Variants in NF1 observed in about 807,000 individuals in gnomAD.
NF1 encodes the protein neurofibromin.
NF1 carries 122 observed loss-of-function variants against 325.7 expected under a neutral mutation model. The observed-to-expected ratio is 0.37, with a 90% CI of 0.32 to 0.44. The LOEUF (loss-of-function observed/expected upper bound fraction) is 0.44, where lower values mean the gene tolerates loss of function less well. Among genes scored for constraint, NF1 ranks in the 20% least tolerant of loss-of-function variants. The pLI, the probability that NF1 is intolerant of heterozygous loss-of-function variation, is 1.00. For synonymous variants in NF1, 1,091 were observed against 1,186.0 expected (o/e 0.92, Z 1.65); for missense variants, 2,140 against 3,415.4 (o/e 0.63, Z 9.31).
At chr17:31,102,431 T>A (rs1414583562) in intron 1 of NF1, among the ~76,000 whole-genome samples, 1 of 152,114 alleles carries the variant, frequency 6.6e-6, no homozygotes, top group Non-Finnish European at 1.5e-5. Context: ...TATTACTGAT[T>A]ATTGTGTTTT....
At chr17:31,344,503 A>G (rs1036835366) in intron 48 of NF1, among the ~76,000 whole-genome samples, 112 of 152,248 alleles carry the variant, frequency 7.4e-4, no homozygotes, top group African/African-American at 2.5e-3. Flanking sequence ...TTCAAGCTAT[A>G]GCTTGAGTCA....
At chr17:31,346,003 A>G in intron 48 of NF1, 1 of 1,612,886 alleles carries the variant, frequency 6.2e-7, no homozygotes, top group Non-Finnish European at 8.5e-7. Flanking sequence ...CAGGAGGATG[A>G]TAAACCCGAA....
At chr17:31,198,701 G>C (rs1226852292) in intron 8 of NF1, among the ~76,000 whole-genome samples, 5 of 152,012 alleles carry the variant, frequency 3.3e-5, no homozygotes, top group African/African-American at 1.2e-4. Flanking sequence ...TGCAACCTCT[G>C]CCTCCTGGGT....
chr17:31,322,404 C>T lies in NF1; in HGVS notation c.4836-3416C>T, dbSNP rs572093958. Among the ~76,000 whole-genome samples the T allele has an allele frequency of 6.8e-5, 10 of 147,366 alleles. No individual in the cohort carries two copies. In the East Asian group the frequency reaches 1.2e-3, roughly 18 times the overall value. ...CTGAGACAGGAGAATAGCTTGAACC[C>T]GGGACGTGGAGGCTGCAGAGATCAT... On this transcript the variant is annotated intron_variant, in intron 36 of 57. Coordinates refer to ENST00000358273, the MANE Select transcript of NF1 (RefSeq NM_001042492.3).
chr17:31,189,758 ATT>A (rs1007309645), intron 8 of NF1, among the ~76,000 whole-genome samples: 1,291 of 118,528 alleles, frequency 0.011, 14 homozygotes, highest in African/African-American at 0.038. Flanking sequence ...AAAGAAAAGT[ATT>A]TTTTTTTTTT....
At chr17:31,252,372 A>G (rs1231363374) in intron 30 of NF1, 1 of 199,408 alleles carries the variant, frequency 5.0e-6, no homozygotes, top group Non-Finnish European at 1.0e-5. Context: ...TGTTAAGAGT[A>G]ATCTTTTTTA....
intron 5 of NF1, among the ~76,000 whole-genome samples, chr17:31,173,845 A>T (rs1488279439): frequency 6.6e-6 from 1 of 152,232 alleles, no homozygotes; most frequent in Non-Finnish European, 1.5e-5. Flanking sequence ...TGGCTTTGAG[A>T]GTAGATTATG....
chr17:31,169,939 T>A lies in NF1; in HGVS notation c.528T>A (p.Asp176Glu), dbSNP rs112306990. Residue 176 changes from aspartate (D) to glutamate (E), a missense_variant, in exon 5 of 58, where the codon GAT becomes GAA. Physicochemically the swap from Asp to Glu is conservative, Grantham distance 45 (BLOSUM62 2). Transcript: ENST00000358273. ...VCSEDNVDVHDIELLQYINVD... is the reference protein window; with the variant it reads ...VCSEDNVDVHEIELLQYINVD... ...CAGAAGACAATGTTGATGTTCATGA[T>A]ATAGAATTGTTACAGTATATCAATG... 6,645 of 1,612,888 alleles carry A rather than the reference T, an allele frequency of 4.1e-3. 17 individuals carry two copies. The highest frequency in any genetic ancestry group is 4.7e-3 in the Non-Finnish European group (5,578 of 1,179,148).
At position 31,095,826 on chromosome 17, in the gene NF1, C is replaced by T. The variant is rs542330803; in HGVS notation, c.60+457C>T. On this transcript the variant is annotated intron_variant, in intron 1 of 57. Transcript: ENST00000358273. ...ACTGGGGACGAGCGAACCCTAAGGC[C>T]TGTCTTATATACCCTCAATAGGAGA... 5.3e-5 allele frequency among the ~76,000 whole-genome samples: 8 copies of T among 152,252 alleles called. No homozygotes were observed. In the East Asian group the frequency reaches 1.5e-3, roughly 29 times the overall value.
At chr17:31,098,888 C>T (rs563394484) in intron 1 of NF1, among the ~76,000 whole-genome samples, 20 of 145,540 alleles carry the variant, frequency 1.4e-4, no homozygotes, top group Admixed American at 1.1e-3. Flanking sequence ...GCCGAGATTG[C>T]GCCACTGCAC....
chr17:31,165,472 A>C (rs2143685265), intron 4 of NF1, among the ~76,000 whole-genome samples: 1 of 152,368 alleles, frequency 6.6e-6, no homozygotes. Context: ...TTATGCTGTC[A>C]TCGTCATAGT....
intron 34 of NF1, 74 bp from the exon 35 acceptor site, chr17:31,261,637 G>A (rs2067687495): frequency 6.4e-7 from 1 of 1,554,026 alleles, no homozygotes; most frequent in Non-Finnish European, 8.9e-7. Flanking sequence ...AAAGCAACCA[G>A]TTACAAGTTA....
At chr17:31,343,281 A>C in intron 48 of NF1, 146 bp downstream of exon 48, 2 of 787,220 alleles carry the variant, frequency 2.5e-6, no homozygotes, top group Non-Finnish European at 2.0e-6. Context: ...GTGGTGGCTC[A>C]CGTCTGTAAT....
At chr17:31,322,094 TACACACACACACACACAC>T (rs71142046) in intron 36 of NF1, among the ~76,000 whole-genome samples, 2 of 147,412 alleles carry the variant, frequency 1.4e-5, no homozygotes, top group Non-Finnish European at 1.5e-5. Flanking sequence ...AGTGTGTGTA[TACACACACACACACACAC>T]ACACACACAC....
At chr17:31,286,468 G>A (rs1018585402) in intron 36 of NF1, among the ~76,000 whole-genome samples, 6 of 151,944 alleles carry the variant, frequency 3.9e-5, no homozygotes, top group African/African-American at 1.2e-4. Context: ...AGCTTTTTTT[G>A]TAGAATTTAA....
At chr17:31,339,007 C>T (rs976860825) in intron 46 of NF1, among the ~76,000 whole-genome samples, 6 of 152,098 alleles carry the variant, frequency 3.9e-5, no homozygotes, top group East Asian at 3.8e-4. Context: ...TGTTCTCAAG[C>T]GCTTGTAAGT....
intron 47 of NF1, 112 bp downstream of exon 47, chr17:31,340,757 TTGTATAA>T: frequency 9.0e-7 from 1 of 1,110,982 alleles, no homozygotes; most frequent in East Asian, 2.5e-5. Flanking sequence ...AAGTAGGAAT[TTGTATAA>T]TGTAACTTAT....
chr17:31,251,218 A>T (rs2067488256), intron 30 of NF1: 1 of 204,930 alleles, frequency 4.9e-6, no homozygotes, highest in Non-Finnish European at 1.0e-5. Context: ...TTTGGCAGTA[A>T]CAGAAAGGTA....
intron 1 of NF1, among the ~76,000 whole-genome samples, chr17:31,099,228 A>G (rs539972858): frequency 1.3e-5 from 2 of 152,278 alleles, no homozygotes; most frequent in Non-Finnish European, 2.9e-5. Flanking sequence ...TTGCACTCTG[A>G]TGGGTATCGC....
Sources: allele counts gnomAD v4.1 joint callset (sites outside exome capture counted in the v4.1 genomes callset), GRCh38; gene constraint gnomAD v4.1.1; transcripts MANE v1.5; gene names NCBI Gene and HGNC (gene_info 2026-07-23, HGNC 2026-07-21).